EEA1: variants seen among roughly 807,000 people sequenced by gnomAD.
EEA1 encodes early endosome antigen 1.
In EEA1, 111 loss-of-function variants were observed where a neutral mutation model predicts 209.2. The ratio of observed to expected loss-of-function variants is 0.53; its 90% CI spans 0.45 to 0.62. The LOEUF (loss-of-function observed/expected upper bound fraction) is 0.62. Ranked by LOEUF, EEA1 falls within the 20% of genes least tolerant of loss-of-function variation. EEA1 has a pLI of 0.00. For missense variants in EEA1, 1,343 were observed against 1,530.8 expected, an observed-to-expected ratio of 0.88 and a Z score of 2.05; for synonymous variants, 536 against 540.6, an observed-to-expected ratio of 0.99 and a Z score of 0.12.
intron 6 of EEA1, 150 bp from the exon 7 acceptor site, chr12:92,853,175 T>C (rs1877713874): frequency 1.9e-6 from 1 of 512,920 alleles, no homozygotes; most frequent in Non-Finnish European, 3.4e-6. Context: ...AAATTAAGTA[T>C]ATCTGCTTCA....
intron 17 of EEA1, among the ~76,000 whole-genome samples, chr12:92,810,980 T>C (rs563468834): frequency 1.3e-5 from 2 of 152,188 alleles, no homozygotes; most frequent in South Asian, 2.1e-4. Flanking sequence ...AATTGAGAAG[T>C]TCCTTGTAAT....
intron 9 of EEA1, among the ~76,000 whole-genome samples, chr12:92,847,993 T>C (rs1877453502): frequency 6.6e-6 from 1 of 151,974 alleles, no homozygotes; most frequent in African/African-American, 2.4e-5. Flanking sequence ...TATTTTAACA[T>C]AGCCAAGGTC....
Position 92,916,383 on chromosome 12 carries a change from G to A in EEA1, c.24+12660C>T, listed in dbSNP as rs558284274. 1.1e-4 allele frequency among the ~76,000 whole-genome samples: 16 copies of A among 151,786 alleles called. No homozygotes were observed. The South Asian group carries it at 1.2e-3, about 12-fold the overall frequency. ...AAACTTAAAAATCTGGGCCGGGCGC[G>A]GTGGCTCATGCCTGTAATCCCAGCA... On this transcript the variant is annotated intron_variant, in intron 1 of 28. Transcript: ENST00000322349.
chr12:92,904,757 T>C (rs1377074169), intron 1 of EEA1, among the ~76,000 whole-genome samples: 2 of 152,224 alleles, frequency 1.3e-5, no homozygotes, highest in East Asian at 3.8e-4. Context: ...AACAGCCAGA[T>C]GAAACAGTAT....
chr12:92,851,568 A>G (rs1241944842), intron 8 of EEA1, among the ~76,000 whole-genome samples: 4 of 152,192 alleles, frequency 2.6e-5, no homozygotes, highest in Admixed American at 2.6e-4. Context: ...AGTGACTTGA[A>G]AATGCTACAT....
In EEA1 at chr12:92,806,114, G is replaced by A. The variant is rs368582944; in HGVS notation, c.2339+2903C>T. Among the ~76,000 whole-genome samples, 29 of 151,882 alleles carry A rather than the reference G, an allele frequency of 1.9e-4. No homozygotes were observed. In the South Asian group the frequency reaches 3.9e-3, roughly 21 times the overall value. On this transcript the variant is annotated intron_variant, in intron 18 of 28. Transcript: ENST00000322349. ...ACAAAATGTAGACAGACACAGTGAC[G>A]CTTTCACATTTAAAAGCTATTAAAA... is the stretch of plus-strand genomic sequence containing the variant.
intron 10 of EEA1, among the ~76,000 whole-genome samples, chr12:92,836,017 G>A (rs1876915595): frequency 6.6e-6 from 1 of 152,118 alleles, no homozygotes. Context: ...TTTTTGAAGA[G>A]TGACTTTTTA....
chr12:92,863,888 A>G (rs1878255004), intron 3 of EEA1, among the ~76,000 whole-genome samples: 1 of 152,238 alleles, frequency 6.6e-6, no homozygotes, highest in African/African-American at 2.4e-5. Flanking sequence ...ACACAGTCTA[A>G]TTCATAGTTG....
chr12:92,842,367 A>G, intron 10 of EEA1, 98 bp downstream of exon 10: 1 of 636,218 alleles, frequency 1.6e-6, no homozygotes. Flanking sequence ...AAAATAAGTC[A>G]CATTGTACTA....
At chr12:92,777,001 T>C (rs868206156) in intron 27 of EEA1, 59 bp from the exon 28 acceptor site, 3 of 1,547,024 alleles carry the variant, frequency 1.9e-6, no homozygotes, top group Middle Eastern at 3.4e-4. Context: ...GAATGCTAGA[T>C]TATTTCTAAC....
intron 13 of EEA1, among the ~76,000 whole-genome samples, chr12:92,825,837 TTAAC>T (rs757469656): frequency 7.2e-4 from 109 of 150,374 alleles, no homozygotes; most frequent in Non-Finnish European, 1.3e-3. Flanking sequence ...ATAAATGTAT[TTAAC>T]TAAACTGATT....
At chr12:92,855,347 G>A (rs1877826298) in intron 5 of EEA1, among the ~76,000 whole-genome samples, 1 of 151,828 alleles carries the variant, frequency 6.6e-6, no homozygotes, top group African/African-American at 2.4e-5. Flanking sequence ...GGAGAATGCT[G>A]TGAACATGGG....
At chr12:92,881,565 G>A (rs371077663) in intron 2 of EEA1, among the ~76,000 whole-genome samples, 30 of 152,156 alleles carry the variant, frequency 2.0e-4, no homozygotes, top group African/African-American at 6.5e-4. Flanking sequence ...GAAAGACTGC[G>A]TTATTAGACA....
Position 92,780,362 on chromosome 12 carries a change from A to C in EEA1, c.3386T>G (p.Ile1129Arg), listed in dbSNP as rs748721057. 6 of 1,592,936 alleles carry C rather than the reference A, an allele frequency of 3.8e-6. No individual in the cohort carries two copies. The highest frequency in any genetic ancestry group is 3.3e-4 in the Middle Eastern group (2 of 5,996). The change falls in exon 24 of 29, where the codon ATA becomes AGA. Residue 1129 changes from isoleucine (I) to arginine (R), a missense_variant. Around this residue, in one of 3 missense-constraint regions of EEA1, gnomAD observed 1,307 missense variants for 1,465.5 expected, o/e 0.89. Coordinates refer to ENST00000322349, the MANE Select transcript of EEA1 (RefSeq NM_003566.4). ...LVNEKSKLAE[I>R]EEIKCRQEKE... is the part of the protein sequence containing the mutation. ...TTCTTGTCTACATTTAATTTCTTCTATCTCTGCCAATTTAGACTTCTCATT... is the reference window on the plus strand; with the variant it reads ...TTCTTGTCTACATTTAATTTCTTCTCTCTCTGCCAATTTAGACTTCTCATT...
intron 2 of EEA1, chr12:92,884,427 G>A: frequency 3.6e-6 from 5 of 1,401,010 alleles, no homozygotes; most frequent in Admixed American, 1.7e-5. Flanking sequence ...GGTAGTGGAG[G>A]AAACTTCAGT....
chr12:92,878,931 C>G (rs1236368249), intron 2 of EEA1, among the ~76,000 whole-genome samples: 3 of 152,130 alleles, frequency 2.0e-5, no homozygotes, highest in African/African-American at 4.8e-5. Flanking sequence ...GAGTAATAAT[C>G]AATACACTTC....
intron 2 of EEA1, among the ~76,000 whole-genome samples, chr12:92,879,541 AG>A (rs1879050351): frequency 6.9e-6 from 1 of 145,276 alleles, no homozygotes; most frequent in Non-Finnish European, 1.5e-5. Flanking sequence ...TTCAAAGGGA[AG>A]GGGGAGGGGA....
intron 15 of EEA1, 46 bp downstream of exon 15, chr12:92,816,154 A>G (rs1875772439): frequency 6.6e-7 from 1 of 1,515,606 alleles, no homozygotes; most frequent in Non-Finnish European, 9.1e-7. Flanking sequence ...AAAACATTTG[A>G]CGGTCTAAAA....
intron 11 of EEA1, among the ~76,000 whole-genome samples, chr12:92,828,619 C>CATATATATATCAT (rs139923919): frequency 6.8e-6 from 1 of 146,076 alleles, no homozygotes; most frequent in Non-Finnish European, 1.5e-5. Context: ...ATATATATAT[C>CATATATATATCAT]ATATATATAT....
Sources: allele counts gnomAD v4.1 joint callset (sites outside exome capture counted in the v4.1 genomes callset), GRCh38; gene constraint gnomAD v4.1.1; regional missense constraint gnomAD v4.1.1; transcripts MANE v1.5; gene names NCBI Gene and HGNC (gene_info 2026-07-23, HGNC 2026-07-21).